Variants in GUCY1A1 observed in about 807,000 individuals in gnomAD.
The protein encoded by GUCY1A1 is guanylate cyclase 1 soluble subunit alpha 1, also known as guanylate cyclase soluble subunit alpha-1.
GUCY1A1 carries 48 observed loss-of-function variants against 64.5 expected under a neutral mutation model. The observed-to-expected ratio is 0.74, with a 90% confidence interval of 0.59 to 0.95. GUCY1A1 has a LOEUF of 0.95. GUCY1A1 is among the 40% of genes least tolerant of loss of function. The pLI is 0.00. For missense variants in GUCY1A1, 804 were observed against 825.3 expected, an observed-to-expected ratio of 0.97 and a Z score of 0.32; for synonymous variants, 308 against 303.4, an observed-to-expected ratio of 1.02 and a Z score of -0.16.
intron 2 of GUCY1A1, among the ~76,000 whole-genome samples, chr4:155,686,910 T>G (rs1261371379): frequency 6.6e-6 from 1 of 152,202 alleles, no homozygotes; most frequent in Non-Finnish European, 1.5e-5. Context: ...TAAGCTGTGC[T>G]GCAAATTCTA....
Position 155,710,556 on chromosome 4 carries a change from G to T in GUCY1A1, c.391G>T (p.Val131Phe). 6.3e-7 allele frequency: 1 copy of T among 1,592,032 alleles called. No homozygotes were observed. The highest frequency in any genetic ancestry group is 8.6e-7 in the Non-Finnish European group (1 of 1,163,292). The change falls in exon 6 of 10, where the codon GTT (valine) becomes TTT (phenylalanine). Residue 131 changes from valine to phenylalanine, a missense_variant. Physicochemically the swap from Val to Phe is conservative, Grantham distance 50. Transcript: ENST00000506455. ...TGTGATTTCAGGAGTTCCAGTGGAG[G>T]TTATCAAAGAATCTCTTGGTGAAGA... The part of the protein sequence containing the change: ...QAVAAGVPVE[V>F]IKESLGEEVF...
Position 155,734,095 on chromosome 4 carries a change from G to A in GUCY1A1, c.*3864G>A, listed in dbSNP as rs1401469418. ...CCCTGATATTTCCAGCCACGCCAAGGCAAAGACTTCCCAGCTCTGTCTCAG... is the reference window on the plus strand; with the variant it reads ...CCCTGATATTTCCAGCCACGCCAAGACAAAGACTTCCCAGCTCTGTCTCAG... On this transcript the variant is annotated 3_prime_UTR_variant, in exon 10 of 10. Coordinates refer to ENST00000506455, the MANE Select transcript of GUCY1A1 (RefSeq NM_001130682.3). 6.6e-6 allele frequency among the ~76,000 whole-genome samples: 1 copy of A among 151,834 alleles called. No individual in the cohort carries two copies. Among genetic ancestry groups the A allele is most frequent in the Non-Finnish European group, 1.5e-5 (1 of 67,886 alleles).
At chr4:155,690,107 T>C (rs1729538245) in intron 2 of GUCY1A1, among the ~76,000 whole-genome samples, 1 of 152,212 alleles carries the variant, frequency 6.6e-6, no homozygotes, top group Non-Finnish European at 1.5e-5. Flanking sequence ...CAAGGTGTTA[T>C]ATAATATTAG....
At chr4:155,716,548 C>T (rs3822007) in intron 7 of GUCY1A1, among the ~76,000 whole-genome samples, 25,984 of 151,922 alleles carry the variant, frequency 0.17, 2,302 homozygotes, top group East Asian at 0.2. Context: ...CAAACACCAC[C>T]GTTGTTTTTA....
intron 9 of GUCY1A1, 88 bp downstream of exon 9, chr4:155,722,280 A>C: frequency 6.6e-7 from 1 of 1,514,026 alleles, no homozygotes. Context: ...ATTCTTCATA[A>C]CTTTTTTCTT....
chr4:155,688,028 C>G (rs368324740), intron 2 of GUCY1A1, among the ~76,000 whole-genome samples: 49 of 151,962 alleles, frequency 3.2e-4, no homozygotes, highest in African/African-American at 1.1e-3. Flanking sequence ...TCGAGACCAT[C>G]CTGGCTGACA....
intron 2 of GUCY1A1, among the ~76,000 whole-genome samples, chr4:155,675,375 T>C (rs1734769061): frequency 6.6e-6 from 1 of 151,562 alleles, no homozygotes; most frequent in Admixed American, 6.6e-5. Context: ...AAATGTAGCA[T>C]TGAAGGAAAT....
At chr4:155,694,035 A>G (rs1730103460) in intron 2 of GUCY1A1, among the ~76,000 whole-genome samples, 1 of 152,162 alleles carries the variant, frequency 6.6e-6, no homozygotes, top group South Asian at 2.1e-4. Context: ...GACCTAACCT[A>G]TAATCTTCCA....
In GUCY1A1 at chr4:155,682,006, AT is replaced by A. The variant is rs1227731999; in HGVS notation, c.-113+14588del. Among the ~76,000 whole-genome samples the A allele has an allele frequency of 2.0e-5, 3 of 152,136 alleles. No homozygotes were observed. In the East Asian group the frequency reaches 5.8e-4, roughly 29 times the overall value. Reference sequence around the variant, plus strand: ...TACCTGTTTCCATGAACGGTGCTATATCTTTCTACACAAAACTTCAGAGTCA... The same window carrying A: ...TACCTGTTTCCATGAACGGTGCTATACTTTCTACACAAAACTTCAGAGTCA... On this transcript the variant is annotated intron_variant, in intron 2 of 9. Coordinates refer to ENST00000506455, the MANE Select transcript of GUCY1A1 (RefSeq NM_001130682.3).
intron 2 of GUCY1A1, among the ~76,000 whole-genome samples, chr4:155,689,617 G>A (rs1729473339): frequency 6.6e-6 from 1 of 152,164 alleles, no homozygotes; most frequent in African/African-American, 2.4e-5. Context: ...ATAGAGTTGA[G>A]TGTACTGAAT....
intron 3 of GUCY1A1, among the ~76,000 whole-genome samples, chr4:155,702,702 G>C (rs1731251005): frequency 6.6e-6 from 1 of 151,548 alleles, no homozygotes; most frequent in South Asian, 2.1e-4. Flanking sequence ...TTCAGCAATT[G>C]TGTTTTCTTT....
intron 2 of GUCY1A1, among the ~76,000 whole-genome samples, chr4:155,677,512 G>A (rs1425831368): frequency 6.6e-6 from 1 of 152,082 alleles, no homozygotes; most frequent in East Asian, 1.9e-4. Context: ...TTGAAAAAGT[G>A]TTCTAGTTTC....
intron 2 of GUCY1A1, among the ~76,000 whole-genome samples, chr4:155,668,526 A>G (rs1388160262): frequency 2.0e-5 from 3 of 152,170 alleles, no homozygotes; most frequent in East Asian, 3.9e-4. Context: ...ATTTGATTTC[A>G]TACATCTCTA....
chr4:155,703,864 T>TTAAATATA, intron 3 of GUCY1A1, 68 bp from the exon 4 acceptor site: 1 of 934,706 alleles, frequency 1.1e-6, no homozygotes, highest in Non-Finnish European at 1.7e-6. Flanking sequence ...GGATGCATTT[T>TTAAATATA]TAAATATATA....
intron 4 of GUCY1A1, among the ~76,000 whole-genome samples, chr4:155,707,432 G>A (rs777351639): frequency 7.2e-5 from 11 of 152,228 alleles, no homozygotes; most frequent in East Asian, 1.9e-4. Context: ...GTAGAGTACC[G>A]GTTGTTTACC....
chr4:155,700,854 A>G (rs1730989181), intron 3 of GUCY1A1, among the ~76,000 whole-genome samples: 2 of 152,212 alleles, frequency 1.3e-5, no homozygotes, highest in African/African-American at 4.8e-5. Flanking sequence ...GTTTACATAT[A>G]TTGAACTGTA....
Position 155,732,385 on chromosome 4 carries a change from C to T in GUCY1A1, c.*2154C>T, listed in dbSNP as rs1735653792. On this transcript the variant is annotated 3_prime_UTR_variant, in exon 10 of 10. Coordinates refer to ENST00000506455, the MANE Select transcript of GUCY1A1 (RefSeq NM_001130682.3). Reference sequence around the variant, plus strand: ...GAAGTTAAATCATCTGTGATAGGTTCCCCAGACCAGCCTACAAAGGCCCAT... The same window carrying T: ...GAAGTTAAATCATCTGTGATAGGTTTCCCAGACCAGCCTACAAAGGCCCAT... 6.5e-6 allele frequency: 1 copy of T among 152,684 alleles called. No homozygotes were observed. Among genetic ancestry groups the T allele is most frequent in the African/African-American group, 2.4e-5 (1 of 41,394 alleles). The allele number at this position is 152,684 out of a possible 1,614,324, so 9.5% of individuals were successfully genotyped here.
rs768912797 is a variant in GUCY1A1 at position 155,733,329 on chromosome 4, T to C, written c.*3098T>C. Among the ~76,000 whole-genome samples the C allele has an allele frequency of 9.2e-5, 14 of 151,528 alleles. No homozygotes were observed. Among genetic ancestry groups the C allele is most frequent in the Admixed American group, 4.0e-4 (6 of 15,162 alleles). On this transcript the variant is annotated 3_prime_UTR_variant, in exon 10 of 10. Coordinates refer to ENST00000506455, the MANE Select transcript of GUCY1A1 (RefSeq NM_001130682.3). ...CAAGCAGAGAAGGGGAAGGACATGG[T>C]CCAGGAAAATAAATCAGCACACAAA...
At chr4:155,710,411 G>A in intron 5 of GUCY1A1, 131 bp from the exon 6 acceptor site, 1 of 599,156 alleles carries the variant, frequency 1.7e-6, no homozygotes, top group Non-Finnish European at 3.0e-6. Context: ...TTTCATTTTG[G>A]TTGGAAATGT....
Sources: allele counts gnomAD v4.1 joint callset (sites outside exome capture counted in the v4.1 genomes callset), GRCh38; gene constraint gnomAD v4.1.1; transcripts MANE v1.5; gene names NCBI Gene and HGNC (gene_info 2026-07-23, HGNC 2026-07-21).